The following PIP5K1B variants were observed in gnomAD, a reference collection of about 807,000 sequenced individuals.
PIP5K1B encodes phosphatidylinositol-4-phosphate 5-kinase type 1 beta, also known as phosphatidylinositol 4-phosphate 5-kinase type-1 beta.
A neutral mutation model predicts 67.0 loss-of-function variants in PIP5K1B; 42 were observed. The observed-to-expected ratio is 0.63, with a 90% CI of 0.49 to 0.81. PIP5K1B has a LOEUF of 0.81. Ranked by LOEUF, PIP5K1B falls within the 30% of genes least tolerant of loss-of-function variation. The probability of loss-of-function intolerance (pLI) is 0.00; values close to 1 mark genes in which losing one functional copy is unlikely to be tolerated. For missense variants in PIP5K1B, 459 were observed against 646.3 expected (o/e 0.71, Z 3.14); for synonymous variants, 214 against 231.4 (o/e 0.92, Z 0.68).
chr9:68,829,789 G>C (rs1467104496), intron 4 of PIP5K1B, among the ~76,000 whole-genome samples: 2 of 152,154 alleles, frequency 1.3e-5, no homozygotes, highest in African/African-American at 4.8e-5. Context: ...AGTGCTGTGA[G>C]GATCAAACAG....
rs760845978 is a variant in PIP5K1B at position 68,883,847 on chromosome 9, CA to C, written c.319-5133del. ...ATAAACACACACACACACACACACACACACCCTATAGTCAATAGACTTTTGA... is the reference window on the plus strand; with the variant it reads ...ATAAACACACACACACACACACACACCACCCTATAGTCAATAGACTTTTGA... On this transcript the variant is annotated intron_variant, in intron 6 of 15. Transcript: ENST00000265382. 3.5e-3 allele frequency among the ~76,000 whole-genome samples: 527 copies of C among 152,196 alleles called. 6 individuals carry two copies. Among genetic ancestry groups the C allele is most frequent in the African/African-American group, 7.5e-3 (311 of 41,538 alleles).
intron 14 of PIP5K1B, among the ~76,000 whole-genome samples, chr9:68,983,051 A>G (rs1564291526): frequency 6.6e-6 from 1 of 152,214 alleles, no homozygotes; most frequent in Non-Finnish European, 1.5e-5. Flanking sequence ...AACCTTTACT[A>G]ATCTCTCTTT....
chr9:68,870,343 C>G (rs989960496), intron 5 of PIP5K1B, among the ~76,000 whole-genome samples: 1 of 152,186 alleles, frequency 6.6e-6, no homozygotes, highest in Non-Finnish European at 1.5e-5. Context: ...GGTGCAGCCT[C>G]GTCTTATACA....
chr9:68,955,236 G>A (rs756237837), intron 14 of PIP5K1B, among the ~76,000 whole-genome samples: 8 of 152,202 alleles, frequency 5.3e-5, no homozygotes, highest in Non-Finnish European at 1.0e-4. Context: ...AGATGCCCAT[G>A]CTTGACTGAA....
intron 15 of PIP5K1B, among the ~76,000 whole-genome samples, chr9:69,001,283 G>C (rs545574278): frequency 4.6e-5 from 7 of 152,150 alleles, no homozygotes; most frequent in African/African-American, 1.7e-4. Flanking sequence ...GTGGGTGAGA[G>C]AGAAGCCAGT....
At chr9:68,735,655 G>T (rs1224954751) in intron 1 of PIP5K1B, among the ~76,000 whole-genome samples, 3 of 152,198 alleles carry the variant, frequency 2.0e-5, no homozygotes, top group Non-Finnish European at 4.4e-5. Flanking sequence ...CTCCCAAAGT[G>T]CTGGGATTAC....
At chr9:68,891,241 C>T (rs1824769977) in intron 7 of PIP5K1B, among the ~76,000 whole-genome samples, 1 of 152,110 alleles carries the variant, frequency 6.6e-6, no homozygotes, top group Admixed American at 6.5e-5. Flanking sequence ...CAGAGCAAAA[C>T]CCTGTATCAA....
chr9:68,881,820 G>A (rs1824212637), intron 6 of PIP5K1B, among the ~76,000 whole-genome samples: 2 of 152,104 alleles, frequency 1.3e-5, no homozygotes, highest in Admixed American at 6.5e-5. Flanking sequence ...TCTCTGCTTG[G>A]GCAACCAGCT....
chr9:68,801,159 G>A (rs570582295), intron 2 of PIP5K1B, among the ~76,000 whole-genome samples: 69 of 152,314 alleles, frequency 4.5e-4, no homozygotes, highest in African/African-American at 1.6e-3. Context: ...TGTGTGAGGA[G>A]GGGATGGAGA....
At position 68,920,765 on chromosome 9, in the gene PIP5K1B, G is replaced by GTC. The variant is rs763092380; in HGVS notation, c.1116+1042_1116+1043dup. Among the ~76,000 whole-genome samples, 621 of 145,412 alleles carry GTC rather than the reference G, an allele frequency of 4.3e-3. 6 individuals are homozygous for GTC. The highest frequency in any genetic ancestry group is 0.015 in the African/African-American group (560 of 37,638). ...TCCTTCTTTCTCCCATTCCGTCTCTGTCTCTCTGTCTCTCTCTCTCACACA... is the reference window on the plus strand; with the variant it reads ...TCCTTCTTTCTCCCATTCCGTCTCTGTCTCTCTCTGTCTCTCTCTCTCACACA... On this transcript the variant is annotated intron_variant, in intron 11 of 15. Transcript: ENST00000265382.
chr9:68,757,222 G>A (rs1358086388), intron 2 of PIP5K1B, among the ~76,000 whole-genome samples: 1 of 152,176 alleles, frequency 6.6e-6, no homozygotes, highest in Non-Finnish European at 1.5e-5. Context: ...CTAAGTGGCT[G>A]CATGTGGCTA....
At chr9:68,917,125 T>C (rs1391895767) in intron 8 of PIP5K1B, among the ~76,000 whole-genome samples, 1 of 152,170 alleles carries the variant, frequency 6.6e-6, no homozygotes, top group Non-Finnish European at 1.5e-5. Flanking sequence ...ACTTATGTGC[T>C]GTGTGATATT....
intron 2 of PIP5K1B, chr9:68,780,249 G>T: frequency 1.0e-5 from 16 of 1,544,174 alleles, no homozygotes; most frequent in Non-Finnish European, 1.4e-5. Context: ...CAGCGGCGGC[G>T]GCGGGGGCCT....
chr9:68,986,179 G>A (rs1308367893), intron 14 of PIP5K1B, among the ~76,000 whole-genome samples: 3 of 152,190 alleles, frequency 2.0e-5, no homozygotes, highest in African/African-American at 7.2e-5. Flanking sequence ...TGAAGTAGCT[G>A]TACCGTTTTA....
At chr9:68,732,480 C>T (rs147480222) in intron 1 of PIP5K1B, among the ~76,000 whole-genome samples, 6 of 152,248 alleles carry the variant, frequency 3.9e-5, no homozygotes, top group South Asian at 2.1e-4. Context: ...TGTACTCTCC[C>T]GGTGTTAGGG....
intron 14 of PIP5K1B, chr9:68,963,211 A>C (rs1272745336): frequency 5.3e-5 from 24 of 456,152 alleles, no homozygotes; most frequent in Non-Finnish European, 9.7e-5. Context: ...AGAGCATTAA[A>C]CTAAGCAAGC....
At chr9:68,755,799 G>A (rs528522987) in intron 2 of PIP5K1B, among the ~76,000 whole-genome samples, 2 of 152,284 alleles carry the variant, frequency 1.3e-5, no homozygotes, top group African/African-American at 2.4e-5. Flanking sequence ...GGGTGGAGCC[G>A]GAGGATGAAT....
chr9:68,902,195 C>T (rs1218637784), intron 8 of PIP5K1B, among the ~76,000 whole-genome samples: 2 of 152,188 alleles, frequency 1.3e-5, no homozygotes, highest in Non-Finnish European at 2.9e-5. Flanking sequence ...ATAACCACCA[C>T]CTTGGTCAAG....
At chr9:68,803,052 T>C (rs898206849) in intron 2 of PIP5K1B, among the ~76,000 whole-genome samples, 1 of 152,128 alleles carries the variant, frequency 6.6e-6, no homozygotes, top group African/African-American at 2.4e-5. Context: ...AGAGAAAGAC[T>C]CAGAGTCAAG....
Sources: allele counts gnomAD v4.1 joint callset (sites outside exome capture counted in the v4.1 genomes callset), GRCh38; gene constraint gnomAD v4.1.1; transcripts MANE v1.5; gene names NCBI Gene and HGNC (gene_info 2026-07-23, HGNC 2026-07-21).